The following FAM135A variants were observed in gnomAD, a reference collection of about 807,000 sequenced individuals.
The protein encoded by FAM135A is family with sequence similarity 135 member A, also known as protein FAM135A.
In FAM135A, 79 loss-of-function variants were observed where a neutral mutation model predicts 146.8. The observed-to-expected ratio is 0.54, with a 90% CI of 0.45 to 0.65. The LOEUF (loss-of-function observed/expected upper bound fraction) is 0.65. Among genes scored for constraint, FAM135A ranks in the 30% least tolerant of loss-of-function variants. The pLI, the probability that FAM135A is intolerant of heterozygous loss-of-function variation, is 0.00. For synonymous variants in FAM135A, 562 were observed against 603.6 expected (o/e 0.93, Z 1.01); for missense variants, 1,623 against 1,758.2 (o/e 0.92, Z 1.38).
At position 70,470,983 on chromosome 6, in the gene FAM135A, G is replaced by A. The variant is rs192218519; in HGVS notation, c.158-4427G>A. The stretch of plus-strand genomic sequence containing the variant: ...CAGTGAGACTGAAGGCTAGGTTTGA[G>A]GAGAGAAAATAATTTATGAAATAGT... On this transcript the variant is annotated intron_variant, in intron 5 of 21. Coordinates refer to ENST00000418814, the MANE Select transcript of FAM135A (RefSeq NM_001162529.3). 1.5e-4 allele frequency among the ~76,000 whole-genome samples: 23 copies of A among 152,290 alleles called. No individual in the cohort carries two copies. In the East Asian group the frequency reaches 4.2e-3, roughly 28 times the overall value.
Position 70,524,634 on chromosome 6 carries a change from C to T in FAM135A, c.1550C>T (p.Ser517Phe). 1 of 1,549,144 alleles carries T rather than the reference C, an allele frequency of 6.5e-7. No homozygotes were observed. The highest frequency in any genetic ancestry group is 8.7e-7 in the Non-Finnish European group (1 of 1,146,266). Reference protein sequence around the residue: ...KKLIKQNSKDSVVLVGYKCLK... With the variant: ...KKLIKQNSKDFVVLVGYKCLK... The stretch of plus-strand genomic sequence containing the variant: ...TTAATAAAACAGAACTCTAAGGATT[C>T]TGTGGTTTTGGTAGGCTACAAATGT... The change falls in exon 15 of 22, where the codon TCT becomes TTT. Residue 517 changes from serine (S) to phenylalanine (F), a missense_variant. Around this residue, in one of 7 missense-constraint regions of FAM135A, gnomAD observed 1,061 missense variants for 1,113.8 expected, o/e 0.95. Transcript: ENST00000418814.
chr6:70,451,628 G>C (rs1415272602), intron 4 of FAM135A, among the ~76,000 whole-genome samples: 12 of 152,046 alleles, frequency 7.9e-5, no homozygotes, highest in Admixed American at 7.9e-4. Context: ...TCCTTTCCAA[G>C]ATGACACCTT....
At chr6:70,488,933 T>C (rs1785269376) in intron 10 of FAM135A, among the ~76,000 whole-genome samples, 2 of 152,152 alleles carry the variant, frequency 1.3e-5, no homozygotes, top group Admixed American at 1.3e-4. Context: ...AAAATCTAAG[T>C]GATTTCAAAA....
intron 4 of FAM135A, among the ~76,000 whole-genome samples, chr6:70,438,989 A>G (rs1050561722): frequency 6.6e-6 from 1 of 152,066 alleles, no homozygotes; most frequent in Admixed American, 6.6e-5. Flanking sequence ...GTGAGGCCCT[A>G]TCTACCAAAA....
intron 5 of FAM135A, among the ~76,000 whole-genome samples, chr6:70,454,753 T>C (rs2128055610): frequency 6.6e-6 from 1 of 152,292 alleles, no homozygotes; most frequent in African/African-American, 2.4e-5. Context: ...CTCTGTTCTG[T>C]TCCATTGGTC....
intron 8 of FAM135A, among the ~76,000 whole-genome samples, chr6:70,478,052 A>T (rs1782961880): frequency 6.6e-6 from 1 of 152,134 alleles, no homozygotes. Context: ...TTTGCCTCTT[A>T]TCCAGATAGG....
At chr6:70,521,027 A>C (rs1793452808) in intron 12 of FAM135A, among the ~76,000 whole-genome samples, 1 of 152,194 alleles carries the variant, frequency 6.6e-6, no homozygotes, top group African/African-American at 2.4e-5. Flanking sequence ...TTGGCCAAAT[A>C]ATTAACCTCT....
chr6:70,557,143 C>T, intron 21 of FAM135A: 1 of 507,772 alleles, frequency 2.0e-6, no homozygotes, highest in East Asian at 3.0e-5. Flanking sequence ...ATGGGATTGA[C>T]AATTGTAGTC....
chr6:70,450,713 G>GTTGTTT (rs1776836262), intron 4 of FAM135A, among the ~76,000 whole-genome samples: 1 of 29,780 alleles, frequency 3.4e-5, no homozygotes, highest in Non-Finnish European at 9.8e-5. Context: ...GACCCTTTTA[G>GTTGTTT]TTGTTTTTTT....
At chr6:70,556,632 A>G in intron 20 of FAM135A, 118 bp from the exon 21 acceptor site, 3 of 615,398 alleles carry the variant, frequency 4.9e-6, no homozygotes, top group Non-Finnish European at 8.0e-6. Context: ...AGTATTGACA[A>G]AGTCAGAAAC....
intron 10 of FAM135A, among the ~76,000 whole-genome samples, chr6:70,483,340 T>TA (rs935093985): frequency 6.6e-6 from 1 of 152,194 alleles, no homozygotes; most frequent in Non-Finnish European, 1.5e-5. Context: ...GTTTCATAGA[T>TA]ACACAAGCAA....
At position 70,524,386 on chromosome 6, in the gene FAM135A, A is replaced by C. The variant is rs1219482830; in HGVS notation, c.1302A>C (p.Ser434=). ...PWMGIQNLQR[S]ESSKMDKYET... is the part of the protein sequence containing the mutation. ...TGGGAATTCAGAATCTTCAGAGATC[A>C]GAGTCCAGTAAAATGGATAAATATG... is the stretch of plus-strand genomic sequence containing the variant. The change falls in exon 15 of 22, where the codon TCA becomes TCC. Residue 434 remains serine, a synonymous_variant. Transcript: ENST00000418814. 6.6e-7 allele frequency: 1 copy of C among 1,511,198 alleles called. No homozygotes were observed. The highest frequency in any genetic ancestry group is 1.4e-5 in the African/African-American group (1 of 70,562). The allele number at this position is 1,511,198 out of a possible 1,614,324, so 93.6% of individuals were successfully genotyped here. A position where few individuals can be genotyped will look rare whatever the true frequency, so the allele number is the denominator to read the frequency against.
chr6:70,498,824 C>T, intron 11 of FAM135A, among the ~76,000 whole-genome samples: 1 of 152,200 alleles, frequency 6.6e-6, no homozygotes, highest in East Asian at 1.9e-4. Context: ...AATTTGATTG[C>T]ACTGTGGTCT....
chr6:70,537,170 G>A (rs926339644), intron 19 of FAM135A, among the ~76,000 whole-genome samples: 4 of 151,926 alleles, frequency 2.6e-5, no homozygotes, highest in African/African-American at 9.7e-5. Context: ...TCCTGACCTC[G>A]TGATCCGCCC....
At chr6:70,463,251 T>C (rs1308733520) in intron 5 of FAM135A, among the ~76,000 whole-genome samples, 1 of 152,046 alleles carries the variant, frequency 6.6e-6, no homozygotes, top group South Asian at 2.1e-4. Flanking sequence ...GCTGTCATAG[T>C]CCTTTTTCTT....
chr6:70,478,588 T>C lies in FAM135A; in HGVS notation c.542+1256T>C, dbSNP rs570259821. Among the ~76,000 whole-genome samples the C allele has an allele frequency of 9.3e-4, 142 of 152,292 alleles. 1 individual carries two copies. Among genetic ancestry groups the C allele is most frequent in the African/African-American group, 3.3e-3 (138 of 41,578 alleles). ...CCTATGGCATATCTTTACATTGTTT[T>C]AAAAACTAATTGAAAACATCTTTCA... On this transcript the variant is annotated intron_variant, in intron 8 of 21. Transcript: ENST00000418814.
intron 20 of FAM135A, among the ~76,000 whole-genome samples, chr6:70,544,616 C>T (rs1478078580): frequency 6.6e-6 from 1 of 151,528 alleles, no homozygotes; most frequent in African/African-American, 2.4e-5. Flanking sequence ...TCATGTGTAC[C>T]TGTAATCCCA....
At chr6:70,529,072 C>T (rs550593322) in intron 16 of FAM135A, among the ~76,000 whole-genome samples, 4 of 152,026 alleles carry the variant, frequency 2.6e-5, no homozygotes, top group Middle Eastern at 3.4e-3. Flanking sequence ...CAGCTGTCAC[C>T]TCCTGGCAGT....
intron 8 of FAM135A, among the ~76,000 whole-genome samples, chr6:70,479,907 C>T (rs557593490): frequency 1.1e-4 from 16 of 152,146 alleles, no homozygotes; most frequent in African/African-American, 3.4e-4. Context: ...TTTATGACAA[C>T]TCTGAAAAAC....
Sources: allele counts gnomAD v4.1 joint callset (sites outside exome capture counted in the v4.1 genomes callset), GRCh38; gene constraint gnomAD v4.1.1; regional missense constraint gnomAD v4.1.1; transcripts MANE v1.5; gene names NCBI Gene and HGNC (gene_info 2026-07-23, HGNC 2026-07-21).